EDNRA: variants seen among roughly 807,000 people sequenced by gnomAD.
EDNRA encodes the protein endothelin receptor type A, also known as endothelin-1 receptor.
Under a neutral mutation model 41.4 loss-of-function variants are expected in EDNRA, and 11 were observed. The observed-to-expected ratio is 0.27, with a 90% CI of 0.17 to 0.44. The LOEUF is 0.44. EDNRA is among the 20% of genes least tolerant of loss of function. EDNRA has a pLI of 1.00. For synonymous variants in EDNRA, 172 were observed against 183.0 expected, an observed-to-expected ratio of 0.94 and a Z score of 0.49; for missense variants, 294 against 531.0, an observed-to-expected ratio of 0.55 and a Z score of 4.39.
At chr4:147,528,354 TTTC>T (rs1730625394) in intron 3 of EDNRA, among the ~76,000 whole-genome samples, 4 of 135,124 alleles carry the variant, frequency 3.0e-5, no homozygotes. Context: ...CTTTTCTTGC[TTTC>T]TTTTTTTTTT....
chr4:147,538,577 T>C (rs1730992669), intron 5 of EDNRA, among the ~76,000 whole-genome samples: 1 of 152,228 alleles, frequency 6.6e-6, no homozygotes, highest in Non-Finnish European at 1.5e-5. Flanking sequence ...ACTGCTTTTC[T>C]ATTTTTCTGG....
In EDNRA at chr4:147,542,648, C is replaced by T. The variant is rs553745387; in HGVS notation, c.*30C>T. ...CCTTAGAAGCACTCCTCGGTACTCC[C>T]ATAATCCTCTCGGAGAAAAAAATCA... On this transcript the variant is annotated 3_prime_UTR_variant, in exon 8 of 8. Coordinates refer to ENST00000651419, the MANE Select transcript of EDNRA (RefSeq NM_001957.4). 1 of 1,602,250 alleles carries T rather than the reference C, an allele frequency of 6.2e-7. No individual in the cohort carries two copies. Among genetic ancestry groups the T allele is most frequent in the South Asian group, 1.1e-5 (1 of 89,468 alleles).
rs869077171 is a variant in EDNRA at position 147,505,327 on chromosome 4, A to ATTTT, written c.421-14499_421-14496dup. 4.6e-3 allele frequency among the ~76,000 whole-genome samples: 367 copies of ATTTT among 79,682 alleles called. 25 individuals are homozygous for ATTTT. The highest frequency in any genetic ancestry group is 7.0e-3 in the Non-Finnish European group (300 of 42,992). 52.3% of individuals were successfully genotyped at this position (79,682 alleles called of 152,430 possible). The stretch of plus-strand genomic sequence containing the variant: ...AGAGAGTTTGGCAGTTTCTTTTTTC[A>ATTTT]TTTTTTTTTTTTTTTTTTTTTTTTT... On this transcript the variant is annotated intron_variant, in intron 2 of 7. Transcript: ENST00000651419.
Position 147,542,710 on chromosome 4 carries a change from C to G in EDNRA, c.*92C>G. On this transcript the variant is annotated 3_prime_UTR_variant, in exon 8 of 8. Coordinates refer to ENST00000651419, the MANE Select transcript of EDNRA (RefSeq NM_001957.4). ...TGAGTCCGGGAATCTCTTCTCTGAT[C>G]CTTCTTCCTTAATTCACTCCCACAC... 1.3e-6 allele frequency: 2 copies of G among 1,496,568 alleles called. No homozygotes were observed. The highest frequency in any genetic ancestry group is 4.0e-5 in the Admixed American group (2 of 49,904). 92.7% of individuals were successfully genotyped at this position (1,496,568 alleles called of 1,614,324 possible).
intron 3 of EDNRA, among the ~76,000 whole-genome samples, chr4:147,530,877 G>A (rs532460471): frequency 9.0e-4 from 136 of 151,940 alleles, no homozygotes; most frequent in African/African-American, 2.6e-3. Context: ...CAATGCATTC[G>A]GTCTGTTTTA....
At chr4:147,529,065 G>A (rs752691051) in intron 3 of EDNRA, among the ~76,000 whole-genome samples, 5 of 152,206 alleles carry the variant, frequency 3.3e-5, no homozygotes, top group African/African-American at 4.8e-5. Flanking sequence ...AAGGCACTGC[G>A]ATAACAGGTA....
At chr4:147,530,523 T>G (rs1345289448) in intron 3 of EDNRA, among the ~76,000 whole-genome samples, 2 of 152,242 alleles carry the variant, frequency 1.3e-5, no homozygotes, top group Non-Finnish European at 2.9e-5. Flanking sequence ...TAATCTGGAC[T>G]TTTTTGAGAT....
chr4:147,496,719 C>G (rs1028157440), intron 2 of EDNRA, among the ~76,000 whole-genome samples: 1 of 152,206 alleles, frequency 6.6e-6, no homozygotes, highest in Admixed American at 6.5e-5. Context: ...TTGTCTTACT[C>G]AACATTATGT....
In EDNRA at chr4:147,542,496, T is replaced by A; in HGVS notation, c.1162T>A (p.Cys388Ser). ...CCCCCAGTCATGCCTCTGCTGCTGC[T>A]GTTACCAGTCCAAAAGTCTGATGAC... ...NCFQSCLCCCCYQSKSLMTSV... is the reference protein window; with the variant it reads ...NCFQSCLCCCSYQSKSLMTSV... The change falls in exon 8 of 8, where the codon TGT (cysteine) becomes AGT (serine). Residue 388 changes from cysteine to serine, a missense_variant. By Grantham distance (112) the Cys-to-Ser change is moderately radical. Coordinates refer to ENST00000651419, the MANE Select transcript of EDNRA (RefSeq NM_001957.4). The A allele has an allele frequency of 6.2e-7, 1 of 1,614,188 alleles. No individual in the cohort carries two copies. The highest frequency in any genetic ancestry group is 8.5e-7 in the Non-Finnish European group (1 of 1,180,022).
chr4:147,522,284 A>G (rs895247718), intron 3 of EDNRA, among the ~76,000 whole-genome samples: 2 of 152,174 alleles, frequency 1.3e-5, no homozygotes, highest in African/African-American at 4.8e-5. Flanking sequence ...CATGCCTGTA[A>G]TCCCAGCACT....
intron 2 of EDNRA, among the ~76,000 whole-genome samples, chr4:147,514,914 T>A (rs1246494854): frequency 6.6e-6 from 1 of 152,214 alleles, no homozygotes; most frequent in African/African-American, 2.4e-5. Context: ...GCCAGCAGCA[T>A]CAGCATCACC....
At chr4:147,506,826 C>G (rs1214846832) in intron 2 of EDNRA, 2 of 184,320 alleles carry the variant, frequency 1.1e-5, no homozygotes, top group African/African-American at 4.8e-5. Flanking sequence ...CGCATTGATA[C>G]TGGAAGGCTT....
chr4:147,504,189 G>A (rs1175615354), intron 2 of EDNRA, among the ~76,000 whole-genome samples: 1 of 152,094 alleles, frequency 6.6e-6, no homozygotes, highest in Non-Finnish European at 1.5e-5. Context: ...AGATAATTGC[G>A]AATATTCTTT....
chr4:147,495,279 G>A (rs1422074027), intron 2 of EDNRA: 1 of 152,206 alleles, frequency 6.6e-6, no homozygotes, highest in South Asian at 2.1e-4. Context: ...CACACACCTC[G>A]TAAGACAAAC....
At chr4:147,514,457 A>T (rs1236389348) in intron 2 of EDNRA, among the ~76,000 whole-genome samples, 1 of 132,592 alleles carries the variant, frequency 7.5e-6, no homozygotes, top group Non-Finnish European at 1.6e-5. Context: ...CCCCAACACG[A>T]TTTTTTCTTT....
Position 147,535,936 on chromosome 4 carries a change from G to A in EDNRA, c.807G>A (p.Val269=), listed in dbSNP as rs1457110928. ...GGTTCTATTTCTGTATGCCCTTGGT[G>A]TGCACTGCGATCTTCTACACCCTCA... The part of the protein sequence containing the change: ...LFGFYFCMPL[V]CTAIFYTLMT... Residue 269 remains valine (V), a synonymous_variant, in exon 5 of 8, where the codon GTG becomes GTA. Transcript: ENST00000651419. 21 of 1,613,254 alleles carry A rather than the reference G, an allele frequency of 1.3e-5. 1 individual carries two copies. The highest frequency in any genetic ancestry group is 1.7e-5 in the Non-Finnish European group (20 of 1,179,884).
At chr4:147,500,383 T>G (rs1243549174) in intron 2 of EDNRA, among the ~76,000 whole-genome samples, 1 of 152,158 alleles carries the variant, frequency 6.6e-6, no homozygotes, top group Non-Finnish European at 1.5e-5. Flanking sequence ...TACATGTTAT[T>G]TTTTGTGACA....
chr4:147,532,339 A>AC (rs1730779785), intron 3 of EDNRA, among the ~76,000 whole-genome samples, 167 bp from the exon 4 acceptor site: 1 of 150,778 alleles, frequency 6.6e-6, no homozygotes, highest in South Asian at 2.1e-4. Flanking sequence ...AAAAAAAAAA[A>AC]AAAAAAAAAA....
chr4:147,525,116 A>G (rs922376716), intron 3 of EDNRA, among the ~76,000 whole-genome samples: 10 of 152,212 alleles, frequency 6.6e-5, no homozygotes, highest in Non-Finnish European at 1.5e-4. Context: ...AATGAGAGAA[A>G]CCTTACATCC....
Sources: allele counts gnomAD v4.1 joint callset (sites outside exome capture counted in the v4.1 genomes callset), GRCh38; gene constraint gnomAD v4.1.1; transcripts MANE v1.5; gene names NCBI Gene and HGNC (gene_info 2026-07-23, HGNC 2026-07-21).